Variants in SPATA17 observed in about 807,000 individuals in gnomAD.
SPATA17 encodes the protein spermatogenesis-associated protein 17.
SPATA17 carries 53 observed loss-of-function variants against 62.2 expected under a neutral mutation model. The ratio of observed to expected loss-of-function variants is 0.85; its 90% CI spans 0.68 to 1.07. SPATA17 has a LOEUF of 1.07. Among genes scored for constraint, SPATA17 ranks in the 50% least tolerant of loss-of-function variants. SPATA17 has a pLI of 0.00. For synonymous variants in SPATA17, 146 were observed against 146.8 expected, an observed-to-expected ratio of 0.99 and a Z score of 0.04; for missense variants, 466 against 425.5, an observed-to-expected ratio of 1.10 and a Z score of -0.84.
In SPATA17 at chr1:217,648,944, G is replaced by C; in HGVS notation, c.131G>C (p.Arg44Pro). ...GCAGTTAAAATCCAAAGCTGGTTTC[G>C]AGGATGTCAAGTTCGGGCATATATC... ...DAAVKIQSWF[R>P]GCQVRAYIRH... Residue 44 changes from arginine (R) to proline (P), a missense_variant, in exon 2 of 11, where the codon CGA becomes CCA. By Grantham distance (103) the Arg-to-Pro change is moderately radical (BLOSUM62 -2). Transcript: ENST00000366933. 1 of 1,610,360 alleles carries C rather than the reference G, an allele frequency of 6.2e-7. No homozygotes were observed. The highest frequency in any genetic ancestry group is 8.5e-7 in the Non-Finnish European group (1 of 1,178,446).
intron 5 of SPATA17, among the ~76,000 whole-genome samples, chr1:217,701,210 A>C (rs567315571): frequency 5.3e-5 from 8 of 150,056 alleles, no homozygotes; most frequent in African/African-American, 2.0e-4. Flanking sequence ...CCTGACCTCA[A>C]GTGATTCGTT....
chr1:217,857,707 C>T (rs1191970219), intron 9 of SPATA17, among the ~76,000 whole-genome samples: 2 of 152,154 alleles, frequency 1.3e-5, no homozygotes, highest in African/African-American at 2.4e-5. Flanking sequence ...CCAAAGTTCT[C>T]CTGATGGTAT....
chr1:217,709,219 TATACTC>T (rs1409527077), intron 5 of SPATA17, among the ~76,000 whole-genome samples: 2 of 152,154 alleles, frequency 1.3e-5, no homozygotes, highest in Non-Finnish European at 2.9e-5. Flanking sequence ...TGTAGGAAAT[TATACTC>T]AAAGCAGTTT....
At chr1:217,637,697 A>G (rs1002743914) in intron 1 of SPATA17, among the ~76,000 whole-genome samples, 6 of 152,204 alleles carry the variant, frequency 3.9e-5, no homozygotes. Context: ...ATTAGCCTAA[A>G]TAAATAGCAG....
At chr1:217,651,373 T>C (rs571672441) in intron 3 of SPATA17, among the ~76,000 whole-genome samples, 195 bp downstream of exon 3, 1 of 152,342 alleles carries the variant, frequency 6.6e-6, no homozygotes, top group East Asian at 1.9e-4. Context: ...AATTGACCCA[T>C]TTTTTGGTAC....
At chr1:217,662,200 T>A (rs1038525485) in intron 3 of SPATA17, among the ~76,000 whole-genome samples, 1 of 152,190 alleles carries the variant, frequency 6.6e-6, no homozygotes, top group South Asian at 2.1e-4. Context: ...ATATCAGATG[T>A]GCTACTTTTG....
intron 5 of SPATA17, among the ~76,000 whole-genome samples, chr1:217,688,442 A>C (rs766884565): frequency 6.6e-6 from 1 of 152,156 alleles, no homozygotes; most frequent in Non-Finnish European, 1.5e-5. Context: ...CATTCTTCAA[A>C]ACAGTGTTAA....
At chr1:217,640,302 T>A (rs1389148695) in intron 1 of SPATA17, among the ~76,000 whole-genome samples, 1 of 152,114 alleles carries the variant, frequency 6.6e-6, no homozygotes, top group African/African-American at 2.4e-5. Context: ...TAAAATTGTC[T>A]TTATTTACTG....
rs766645844 is a variant in SPATA17, at chr1:217,744,462, C to CAA, written c.519+2386_519+2387dup. ...TGGGCGACAGAGCGAGACTCCGTCT[C>CAA]AAAAAAAAAAAAAAAAAAAAAAAGA... On this transcript the variant is annotated intron_variant, in intron 6 of 10. Coordinates refer to ENST00000366933, the MANE Select transcript of SPATA17 (RefSeq NM_138796.4). Among the ~76,000 whole-genome samples, 91 of 30,406 alleles carry CAA rather than the reference C, an allele frequency of 3.0e-3. 10 individuals carry two copies. Among genetic ancestry groups the CAA allele is most frequent in the East Asian group, 9.7e-3 (12 of 1,236 alleles). The allele number at this position is 30,406 out of a possible 152,430, so 19.9% of individuals were successfully genotyped here. A position where few individuals can be genotyped will look rare whatever the true frequency, so the allele number is the denominator to read the frequency against.
intron 8 of SPATA17, among the ~76,000 whole-genome samples, chr1:217,786,591 C>A (rs1673868142): frequency 6.6e-6 from 1 of 151,946 alleles, no homozygotes; most frequent in Non-Finnish European, 1.5e-5. Flanking sequence ...TTATTGTTTT[C>A]TTAGAGAAAG....
intron 5 of SPATA17, among the ~76,000 whole-genome samples, chr1:217,694,640 C>T (rs1404307584): frequency 1.4e-4 from 21 of 149,898 alleles, no homozygotes; most frequent in Admixed American, 6.7e-5. Flanking sequence ...CCGGTTGTTC[C>T]TTTCCATGTT....
intron 8 of SPATA17, among the ~76,000 whole-genome samples, 178 bp from the exon 9 acceptor site, chr1:217,801,540 A>T (rs925843353): frequency 6.6e-6 from 1 of 152,228 alleles, no homozygotes; most frequent in Non-Finnish European, 1.5e-5. Context: ...GAAAATAAAG[A>T]TTAATAGAAG....
intron 8 of SPATA17, among the ~76,000 whole-genome samples, chr1:217,799,813 G>A (rs1204571015): frequency 2.0e-5 from 3 of 151,880 alleles, no homozygotes; most frequent in African/African-American, 7.3e-5. Context: ...GATCATCTGT[G>A]TGAAAATTTT....
chr1:217,855,729 A>AT (rs3081687), intron 9 of SPATA17, among the ~76,000 whole-genome samples: 15,632 of 128,672 alleles, frequency 0.12, 1,268 homozygotes, highest in East Asian at 0.23. Context: ...AGAAGGAACT[A>AT]TTTTTTTTTT....
intron 9 of SPATA17, among the ~76,000 whole-genome samples, chr1:217,818,936 G>T (rs1571825921): frequency 4.7e-5 from 5 of 105,936 alleles, no homozygotes; most frequent in South Asian, 2.8e-4. Flanking sequence ...TATTTCCTTT[G>T]GGCCATATAG....
intron 9 of SPATA17, among the ~76,000 whole-genome samples, chr1:217,823,215 C>T (rs2102997903): frequency 6.6e-6 from 1 of 151,944 alleles, no homozygotes; most frequent in Admixed American, 6.6e-5. Context: ...ATATTTTTAC[C>T]TGGTTATATG....
At chr1:217,835,343 G>A (rs748006353) in intron 9 of SPATA17, among the ~76,000 whole-genome samples, 5 of 152,106 alleles carry the variant, frequency 3.3e-5, no homozygotes, top group African/African-American at 4.8e-5. Context: ...TGAAGCTGGA[G>A]TTAATTTCAA....
chr1:217,748,153 A>T (rs1672809423), intron 6 of SPATA17, among the ~76,000 whole-genome samples: 1 of 151,982 alleles, frequency 6.6e-6, no homozygotes, highest in Non-Finnish European at 1.5e-5. Context: ...AATACAAAAA[A>T]TTAGCCAGGC....
intron 8 of SPATA17, among the ~76,000 whole-genome samples, chr1:217,799,589 C>A (rs1008478357): frequency 5.3e-5 from 8 of 151,850 alleles, no homozygotes; most frequent in African/African-American, 1.9e-4. Flanking sequence ...GCTCTGTATT[C>A]TGTTTATTTT....
Sources: gnomAD v4.1 joint callset for allele counts (sites outside exome capture counted in the v4.1 genomes callset) on GRCh38, gnomAD v4.1.1 for gene constraint, MANE v1.5 for transcripts, NCBI Gene and HGNC (gene_info 2026-07-23, HGNC 2026-07-21) for gene names.